Variants in QKI observed in about 807,000 individuals in gnomAD.
The protein encoded by QKI is KH domain-containing RNA-binding protein QKI.
Under a neutral mutation model 39.0 loss-of-function variants are expected in QKI, and 10 were observed. The ratio of observed to expected loss-of-function variants is 0.26; its 90% CI spans 0.16 to 0.43. QKI has a LOEUF of 0.43. Among genes scored for constraint, QKI ranks in the 20% least tolerant of loss-of-function variants. The pLI is 1.00. For synonymous variants in QKI, 204 were observed against 155.4 expected (o/e 1.31, Z -2.33); for missense variants, 218 against 428.0 (o/e 0.51, Z 4.33).
chr6:163,570,894 C>CTTT lies in QKI; in HGVS notation c.*199_*201dup, dbSNP rs368970926. 261 of 483,708 alleles carry CTTT rather than the reference C, an allele frequency of 5.4e-4. No homozygotes were observed. The highest frequency in any genetic ancestry group is 1.0e-3 in the South Asian group (26 of 25,026). 30.0% of individuals were successfully genotyped at this position (483,708 alleles called of 1,614,324 possible). On this transcript the variant is annotated 3_prime_UTR_variant, in exon 8 of 8. Coordinates refer to ENST00000361752, the MANE Select transcript of QKI (RefSeq NM_006775.3). ...AAGAAATTGTTGTCCTCCAACTCAG[C>CTTT]TTTTTTTTTTTTTTTTTCCTGTTTG...
intron 4 of QKI, among the ~76,000 whole-genome samples, chr6:163,535,514 C>G (rs1781140569): frequency 1.7e-5 from 2 of 114,908 alleles, no homozygotes. Context: ...TTGTACTACT[C>G]CCAGAGTATA....
At chr6:163,492,125 G>A (rs1289429240) in intron 3 of QKI, among the ~76,000 whole-genome samples, 3 of 152,198 alleles carry the variant, frequency 2.0e-5, no homozygotes, top group Non-Finnish European at 4.4e-5. Flanking sequence ...TGTTGCTGAT[G>A]TGTATTAATG....
At chr6:163,536,423 T>G (rs894869007) in intron 4 of QKI, among the ~76,000 whole-genome samples, 1 of 152,220 alleles carries the variant, frequency 6.6e-6, no homozygotes, top group African/African-American at 2.4e-5. Context: ...ATATAAAACA[T>G]ACAAAATATA....
chr6:163,532,865 T>C (rs184412439), intron 3 of QKI, among the ~76,000 whole-genome samples: 1 of 152,318 alleles, frequency 6.6e-6, no homozygotes, highest in Non-Finnish European at 1.5e-5. Flanking sequence ...GTCTGGAGAC[T>C]CTCAAGCCAG....
intron 4 of QKI, among the ~76,000 whole-genome samples, chr6:163,553,356 C>G (rs1357788486): frequency 3.3e-5 from 5 of 152,056 alleles, no homozygotes; most frequent in Non-Finnish European, 7.4e-5. Context: ...ACCCACCTGG[C>G]CTCCCAAAGT....
At chr6:163,438,476 C>A (rs531061009) in intron 1 of QKI, among the ~76,000 whole-genome samples, 1 of 152,266 alleles carries the variant, frequency 6.6e-6, no homozygotes, top group South Asian at 2.1e-4. Flanking sequence ...TTGCATAAAT[C>A]TAGATGGTAT....
chr6:163,571,639 CT>C lies in QKI; in HGVS notation c.*933del, dbSNP rs1432343208. 1.3e-5 allele frequency: 2 copies of C among 150,842 alleles called. No individual in the cohort carries two copies. The highest frequency in any genetic ancestry group is 3.0e-5 in the Non-Finnish European group (2 of 67,786). The allele number at this position is 150,842 out of a possible 1,614,324, so 9.3% of individuals were successfully genotyped here. The stretch of plus-strand genomic sequence containing the variant: ...GAAACAAATGAACAAAAAGTAGATA[CT>C]TTTACTATACAAGGGTGCTGGTGCA... On this transcript the variant is annotated 3_prime_UTR_variant, in exon 8 of 8. Coordinates refer to ENST00000361752, the MANE Select transcript of QKI (RefSeq NM_006775.3).
At chr6:163,473,538 G>T (rs963236783) in intron 2 of QKI, among the ~76,000 whole-genome samples, 1 of 152,032 alleles carries the variant, frequency 6.6e-6, no homozygotes, top group Non-Finnish European at 1.5e-5. Flanking sequence ...CAGGTAACCA[G>T]TCAAGAATAA....
chr6:163,474,714 G>A (rs1018825169), intron 2 of QKI, among the ~76,000 whole-genome samples: 2 of 150,606 alleles, frequency 1.3e-5, no homozygotes, highest in South Asian at 2.1e-4. Flanking sequence ...GAGTGGGGGT[G>A]AGGATGGCTT....
chr6:163,440,340 T>G (rs1789672951), intron 1 of QKI, among the ~76,000 whole-genome samples: 1 of 152,228 alleles, frequency 6.6e-6, no homozygotes, highest in South Asian at 2.1e-4. Flanking sequence ...GTGAAAGTAC[T>G]TAATCCCCAA....
intron 1 of QKI, among the ~76,000 whole-genome samples, 157 bp downstream of exon 1, chr6:163,415,492 C>A (rs1449324657): frequency 6.6e-6 from 1 of 150,700 alleles, no homozygotes; most frequent in African/African-American, 2.4e-5. Context: ...AGGTGCCGGG[C>A]CGGGCTTGCG....
chr6:163,481,981 C>T (rs1793106730), intron 3 of QKI, among the ~76,000 whole-genome samples: 1 of 152,028 alleles, frequency 6.6e-6, no homozygotes, highest in African/African-American at 2.4e-5. Flanking sequence ...GAGTTGAAGA[C>T]CAACAAGGTC....
At chr6:163,506,791 T>G (rs1411529728) in intron 3 of QKI, among the ~76,000 whole-genome samples, 1 of 152,178 alleles carries the variant, frequency 6.6e-6, no homozygotes, top group Admixed American at 6.5e-5. Flanking sequence ...ATTGCTAGAA[T>G]TTTTAATATC....
chr6:163,479,157 C>T (rs922957048), intron 3 of QKI, among the ~76,000 whole-genome samples: 1 of 151,776 alleles, frequency 6.6e-6, no homozygotes. Context: ...GGCGTGGTGG[C>T]GGGCGCCTGT....
chr6:163,564,101 G>A, intron 6 of QKI: 1 of 1,048,082 alleles, frequency 9.5e-7, no homozygotes, highest in Non-Finnish European at 1.1e-6. Flanking sequence ...ACAGGTTTGT[G>A]TAATTGTTGG....
chr6:163,499,660 C>A (rs115244087), intron 3 of QKI, among the ~76,000 whole-genome samples: 1 of 152,146 alleles, frequency 6.6e-6, no homozygotes, highest in Non-Finnish European at 1.5e-5. Context: ...CCTGTCCTCA[C>A]CTTCTAAAAA....
rs1488313051 is a variant in QKI, at chr6:163,571,566, T to C, written c.*856T>C. 1 of 152,162 alleles carries C rather than the reference T, an allele frequency of 6.6e-6. No homozygotes were observed. Among genetic ancestry groups the C allele is most frequent in the Non-Finnish European group, 1.5e-5 (1 of 68,030 alleles). The allele number at this position is 152,162 out of a possible 1,614,324, so 9.4% of individuals were successfully genotyped here. On this transcript the variant is annotated 3_prime_UTR_variant, in exon 8 of 8. Transcript: ENST00000361752. ...TAAGGATGTAAAAGCCATGCTTGCCTATTTGCTGTATACATGTAATGAAAT... is the reference window on the plus strand; with the variant it reads ...TAAGGATGTAAAAGCCATGCTTGCCCATTTGCTGTATACATGTAATGAAAT...
intron 4 of QKI, among the ~76,000 whole-genome samples, chr6:163,541,085 A>G (rs1283820067): frequency 1.3e-5 from 2 of 151,988 alleles, no homozygotes; most frequent in Non-Finnish European, 2.9e-5. Context: ...TGTCTTTTGT[A>G]CTTCTGAGAC....
intron 7 of QKI, chr6:163,570,230 T>TAACAGATTAATAATAAACAGTTAACAGTG (rs1373084534): frequency 3.1e-6 from 3 of 982,526 alleles, no homozygotes; most frequent in Non-Finnish European, 3.6e-6. Context: ...AATCATCAGT[T>TAACAGATTAATAATAAACAGTTAACAGTG]ATTAATAATC....
Sources: allele counts gnomAD v4.1 joint callset (sites outside exome capture counted in the v4.1 genomes callset), GRCh38; gene constraint gnomAD v4.1.1; transcripts MANE v1.5; gene names NCBI Gene and HGNC (gene_info 2026-07-23, HGNC 2026-07-21).